GRID2: variants seen among roughly 807,000 people sequenced by gnomAD.
GRID2 encodes the protein glutamate ionotropic receptor delta type subunit 2.
GRID2 carries 33 observed loss-of-function variants against 114.8 expected under a neutral mutation model. That is an observed-to-expected ratio of 0.29 (90% CI 0.22 to 0.38). GRID2 has a LOEUF of 0.38. GRID2 is among the 10% of genes least tolerant of loss of function. The probability of loss-of-function intolerance (pLI) is 1.00; values close to 1 mark genes in which losing one functional copy is unlikely to be tolerated. For synonymous variants in GRID2, 505 were observed against 449.9 expected (o/e 1.12, Z -1.55); for missense variants, 1,184 against 1,257.7 (o/e 0.94, Z 0.89).
At chr4:92,876,060 T>C (rs1745605032) in intron 2 of GRID2, among the ~76,000 whole-genome samples, 1 of 152,000 alleles carries the variant, frequency 6.6e-6, no homozygotes, top group Non-Finnish European at 1.5e-5. Flanking sequence ...CTCAATTCAA[T>C]CTCCTATATA....
chr4:93,653,094 T>G (rs2149724565), intron 14 of GRID2, among the ~76,000 whole-genome samples: 1 of 152,244 alleles, frequency 6.6e-6, no homozygotes, highest in East Asian at 1.9e-4. Context: ...GCAAGACTCT[T>G]TGAAGCTGGG....
At chr4:93,637,816 T>C (rs1721550363) in intron 14 of GRID2, among the ~76,000 whole-genome samples, 1 of 152,184 alleles carries the variant, frequency 6.6e-6, no homozygotes, top group East Asian at 1.9e-4. Context: ...CATGGAAGTT[T>C]TAATTCATCA....
At chr4:93,332,392 G>A (rs776035562) in intron 8 of GRID2, among the ~76,000 whole-genome samples, 2 of 151,702 alleles carry the variant, frequency 1.3e-5, no homozygotes, top group Non-Finnish European at 2.9e-5. Flanking sequence ...TCATACATAT[G>A]TGTAAGTCAT....
chr4:92,435,426 G>A (rs998514643), intron 1 of GRID2, among the ~76,000 whole-genome samples: 1 of 152,148 alleles, frequency 6.6e-6, no homozygotes, highest in Non-Finnish European at 1.5e-5. Flanking sequence ...GTGGAAGAAT[G>A]TGCTACAAGT....
chr4:93,734,290 T>C (rs999557312), intron 14 of GRID2, among the ~76,000 whole-genome samples: 7 of 152,048 alleles, frequency 4.6e-5, no homozygotes, highest in African/African-American at 1.7e-4. Flanking sequence ...CTCTCTCCTT[T>C]TCCTTAGAAT....
intron 2 of GRID2, among the ~76,000 whole-genome samples, chr4:92,639,665 A>T (rs1018573332): frequency 6.6e-6 from 1 of 151,748 alleles, no homozygotes; most frequent in Non-Finnish European, 1.5e-5. Flanking sequence ...GGCCTGGATG[A>T]TGAGAAATGA....
intron 1 of GRID2, among the ~76,000 whole-genome samples, chr4:92,547,792 A>G (rs1015648088): frequency 3.3e-5 from 5 of 152,168 alleles, no homozygotes; most frequent in Admixed American, 6.5e-5. Context: ...ATGAGGATTT[A>G]GAAATGAATG....
At chr4:92,385,900 G>GTATATA (rs34904839) in intron 1 of GRID2, among the ~76,000 whole-genome samples, 50 of 61,130 alleles carry the variant, frequency 8.2e-4, no homozygotes, top group Non-Finnish European at 1.4e-3. Context: ...GTGTGTGTGT[G>GTATATA]TATATATATA....
intron 1 of GRID2, among the ~76,000 whole-genome samples, chr4:93,781,565 C>G (rs917025404): frequency 6.6e-6 from 1 of 152,084 alleles, no homozygotes; most frequent in Admixed American, 6.5e-5. Flanking sequence ...GGTTCCAGGA[C>G]CCCCCTCAGA....
rs575206504 is a variant in GRID2 at position 93,736,054 on chromosome 4, T to C, written c.2361-33156T>C. On this transcript the variant is annotated intron_variant, in intron 14 of 15. Transcript: ENST00000282020. ...GTATAATCTAAGTACCAAGACTGTA[T>C]TTCTGTTCAAAACGAACAACAAAAA... Among the ~76,000 whole-genome samples the C allele has an allele frequency of 1.9e-4, 29 of 152,130 alleles. 1 individual carries two copies. The South Asian group carries it at 6.0e-3, about 32-fold the overall frequency.
chr4:93,264,709 GATATAT>G (rs70942961), intron 8 of GRID2, among the ~76,000 whole-genome samples: 1 of 132,918 alleles, frequency 7.5e-6, no homozygotes, highest in Non-Finnish European at 1.5e-5. Context: ...AGTTTTGAAT[GATATAT>G]ATATATATAT....
chr4:92,372,157 C>T (rs1729145838), intron 1 of GRID2, among the ~76,000 whole-genome samples: 1 of 152,096 alleles, frequency 6.6e-6, no homozygotes, highest in Non-Finnish European at 1.5e-5. Flanking sequence ...AGATCTACTC[C>T]TGGTGAAGAT....
chr4:92,947,901 C>A (rs1234301502), intron 2 of GRID2, among the ~76,000 whole-genome samples: 2 of 151,722 alleles, frequency 1.3e-5, no homozygotes, highest in Non-Finnish European at 3.0e-5. Context: ...TTGTTAATTA[C>A]CTTTTGTAAA....
intron 1 of GRID2, among the ~76,000 whole-genome samples, chr4:93,804,718 C>T (rs1734998081): frequency 1.3e-5 from 2 of 152,134 alleles, no homozygotes; most frequent in African/African-American, 4.8e-5. Context: ...GTTTGCTGCA[C>T]AACTTTTTGT....
At chr4:92,452,923 T>G (rs1721011901) in intron 1 of GRID2, among the ~76,000 whole-genome samples, 1 of 134,898 alleles carries the variant, frequency 7.4e-6, no homozygotes, top group African/African-American at 2.6e-5. Context: ...CTATATATGA[T>G]ACATAGAGAT....
intron 3 of GRID2, among the ~76,000 whole-genome samples, chr4:93,093,666 C>T (rs898154008): frequency 2.6e-5 from 4 of 151,968 alleles, no homozygotes; most frequent in African/African-American, 9.7e-5. Flanking sequence ...ATAGTTGAAT[C>T]TGAGCATTTT....
At chr4:92,578,789 C>T (rs1728034034) in intron 1 of GRID2, among the ~76,000 whole-genome samples, 1 of 150,262 alleles carries the variant, frequency 6.7e-6, no homozygotes, top group Non-Finnish European at 1.5e-5. Context: ...CTTGTAATTA[C>T]CATTTTGACA....
chr4:93,677,882 C>T (rs1347496563), intron 14 of GRID2, among the ~76,000 whole-genome samples: 1 of 151,982 alleles, frequency 6.6e-6, no homozygotes, highest in Non-Finnish European at 1.5e-5. Flanking sequence ...GCCTCTCCTC[C>T]TCCAAAGGAA....
chr4:92,427,847 A>G (rs937022987), intron 1 of GRID2, among the ~76,000 whole-genome samples: 1 of 152,202 alleles, frequency 6.6e-6, no homozygotes, highest in Non-Finnish European at 1.5e-5. Context: ...CTCTAATTGA[A>G]AAATAGAAAA....
Sources: allele counts gnomAD v4.1 joint callset (sites outside exome capture counted in the v4.1 genomes callset), GRCh38; gene constraint gnomAD v4.1.1; transcripts MANE v1.5; gene names NCBI Gene and HGNC (gene_info 2026-07-23, HGNC 2026-07-21).